MCOLN3: variants seen among roughly 807,000 people sequenced by gnomAD.
MCOLN3 encodes the protein mucolipin-3.
Under a neutral mutation model 69.4 loss-of-function variants are expected in MCOLN3, and 62 were observed. The ratio of observed to expected loss-of-function variants is 0.89; its 90% CI spans 0.73 to 1.10. MCOLN3 has a LOEUF of 1.10. Ranked by LOEUF, MCOLN3 falls within the 50% of genes least tolerant of loss-of-function variation. MCOLN3 has a pLI of 0.00. For missense variants in MCOLN3, 564 were observed against 656.4 expected (o/e 0.86, Z 1.54); for synonymous variants, 183 against 217.0 (o/e 0.84, Z 1.38).
chr1:85,033,088 T>G (rs1170523947), intron 4 of MCOLN3, 132 bp from the exon 5 acceptor site: 3 of 841,512 alleles, frequency 3.6e-6, no homozygotes, highest in Non-Finnish European at 5.5e-6. Flanking sequence ...AATTAAAATT[T>G]TAAAAGCTAA....
At position 85,041,246 on chromosome 1, in the gene MCOLN3, A is replaced by G. The variant is rs974084290; in HGVS notation, c.229-69T>C. ...GCAGAAAAAGCAGAGCAGAAGGTAC[A>G]GGGGCTTGAACAACAAATAGAAGAG... On this transcript the variant is annotated intron_variant, in intron 2 of 12. Coordinates refer to ENST00000370589, the MANE Select transcript of MCOLN3 (RefSeq NM_018298.11). 164 of 1,308,684 alleles carry G rather than the reference A, an allele frequency of 1.3e-4. 1 individual carries two copies. Among genetic ancestry groups the G allele is most frequent in the Non-Finnish European group, 1.6e-4 (151 of 953,354 alleles). 81.1% of individuals were successfully genotyped at this position (1,308,684 alleles called of 1,614,324 possible). A position where few individuals can be genotyped will look rare whatever the true frequency, so the allele number is the denominator to read the frequency against.
At chr1:85,030,084 G>A (rs1327832812) in intron 6 of MCOLN3, 1 of 152,110 alleles carries the variant, frequency 6.6e-6, no homozygotes, top group Non-Finnish European at 1.5e-5. Context: ...TTCTTTCTTT[G>A]ACAAGCAACT....
chr1:85,034,429 A>C (rs567369644), intron 3 of MCOLN3, among the ~76,000 whole-genome samples, 178 bp from the exon 4 acceptor site: 4 of 152,316 alleles, frequency 2.6e-5, no homozygotes, highest in Admixed American at 1.3e-4. Context: ...GGCACTCACA[A>C]ATTAGAGTTC....
rs1172582993 is a variant in MCOLN3 at position 85,021,190 on chromosome 1, T to C, written c.1407A>G (p.Gln469=). ...DMFATFAKMQ[Q]KSYLVWLFSR... is the part of the protein sequence containing the mutation. ...TAAACAGCCAGACTAAGTAACTTTT[T>C]TGCTGCATTTTTGCAAACGTGGCAA... is the stretch of plus-strand genomic sequence containing the variant. The change falls in exon 12 of 13, where the codon CAA becomes CAG. Residue 469 remains glutamine, a synonymous_variant. Transcript: ENST00000370589. 6.2e-7 allele frequency: 1 copy of C among 1,613,970 alleles called. No homozygotes were observed. The highest frequency in any genetic ancestry group is 1.1e-5 in the South Asian group (1 of 91,074).
At position 85,034,240 on chromosome 1, in the gene MCOLN3, T is replaced by G; in HGVS notation, c.408A>C (p.Leu136=). The change falls in exon 4 of 13, where the codon CTA becomes CTC. Residue 136 remains leucine (L), a synonymous_variant. Coordinates refer to ENST00000370589, the MANE Select transcript of MCOLN3 (RefSeq NM_018298.11). The part of the protein sequence containing the change: ...LIFAVNQYLQ[L]YNVSVGNHAY... ...CATGATTCCCAACGGAGACATTGTA[T>G]AGCTGCAAGTACTTCAACCAAAATG... 1 of 1,614,144 alleles carries G rather than the reference T, an allele frequency of 6.2e-7. No individual in the cohort carries two copies. The highest frequency in any genetic ancestry group is 8.5e-7 in the Non-Finnish European group (1 of 1,179,998).
At chr1:85,038,630 C>T (rs1652911956) in intron 3 of MCOLN3, among the ~76,000 whole-genome samples, 1 of 152,140 alleles carries the variant, frequency 6.6e-6, no homozygotes, top group South Asian at 2.1e-4. Context: ...CAGTAACAAT[C>T]ACCTCAACTA....
At chr1:85,034,814 C>T (rs866501573) in intron 3 of MCOLN3, among the ~76,000 whole-genome samples, 2 of 152,170 alleles carry the variant, frequency 1.3e-5, no homozygotes, top group Non-Finnish European at 2.9e-5. Flanking sequence ...AAGAATCTTA[C>T]GGTGCCTTGG....
chr1:85,033,006 A>G, intron 4 of MCOLN3, 50 bp from the exon 5 acceptor site: 1 of 1,457,676 alleles, frequency 6.9e-7, no homozygotes, highest in Non-Finnish European at 9.6e-7. Flanking sequence ...ATAAGACTGC[A>G]TTTTGAAAGG....
chr1:85,046,306 TG>T (rs34361194), intron 1 of MCOLN3, among the ~76,000 whole-genome samples: 6,474 of 151,016 alleles, frequency 0.043, 272 homozygotes, highest in African/African-American at 0.11. Flanking sequence ...CATATCTATT[TG>T]GGGGGGGGGG....
At chr1:85,021,688 T>C (rs1316620980) in intron 11 of MCOLN3, among the ~76,000 whole-genome samples, 2 of 152,024 alleles carry the variant, frequency 1.3e-5, no homozygotes, top group Non-Finnish European at 2.9e-5. Context: ...ACTATAGCTC[T>C]AGTAATAAAA....
chr1:85,034,077 T>C, intron 4 of MCOLN3, 21 bp downstream of exon 4: 4 of 1,613,414 alleles, frequency 2.5e-6, no homozygotes, highest in Non-Finnish European at 3.4e-6. Flanking sequence ...ATTGAGGTTC[T>C]AGGTTATAGA....
At position 85,045,216 on chromosome 1, in the gene MCOLN3, GA is replaced by G; in HGVS notation, c.144del (p.Cys50ValfsTer19). The part of the protein sequence containing the change: ...MRRKLKFFFM[N>X]PCEKFWARGR... ...CCTCGAGCCCAGAACTTCTCACAGG[GA>G]TTCATGAAAAAAAATTTGAGTTTTC... On this transcript the variant is annotated frameshift_variant, in exon 2 of 13. Transcript: ENST00000370589. LOFTEE classifies it high-confidence loss of function. The G allele has an allele frequency of 6.2e-7, 1 of 1,614,004 alleles. No homozygotes were observed. The highest frequency in any genetic ancestry group is 8.5e-7 in the Non-Finnish European group (1 of 1,180,006).
intron 3 of MCOLN3, among the ~76,000 whole-genome samples, chr1:85,035,617 A>G (rs1652764238): frequency 6.6e-6 from 1 of 152,170 alleles, no homozygotes; most frequent in Admixed American, 6.5e-5. Context: ...ATGACTTTCA[A>G]ATTATCTCTG....
At position 85,026,630 on chromosome 1, in the gene MCOLN3, G is replaced by A. The variant is rs536313891; in HGVS notation, c.833-346C>T. On this transcript the variant is annotated intron_variant, in intron 7 of 12. Coordinates refer to ENST00000370589, the MANE Select transcript of MCOLN3 (RefSeq NM_018298.11). ...AAATTAGCCGGGCATGGTGGTGAGC[G>A]CCTGTAGTCCCAGCTACTTGGGAGG... Among the ~76,000 whole-genome samples, 7 of 151,886 alleles carry A rather than the reference G, an allele frequency of 4.6e-5. No homozygotes were observed. In the East Asian group the frequency reaches 1.2e-3, roughly 25 times the overall value.
At chr1:85,025,232 A>G (rs985486973) in intron 9 of MCOLN3, 1 of 152,184 alleles carries the variant, frequency 6.6e-6, no homozygotes, top group African/African-American at 2.4e-5. Flanking sequence ...ATAAGCTCCT[A>G]TCTTCTCTGA....
rs1318845024 is a variant in MCOLN3, at chr1:85,022,208, AG to A, written c.1198-17del. On this transcript the variant is annotated splice_polypyrimidine_tract_variant and intron_variant, in intron 10 of 12. Coordinates refer to ENST00000370589, the MANE Select transcript of MCOLN3 (RefSeq NM_018298.11). ...AAATGAGGAGCTGGGAAAGTAAGAG[AG>A]GCCATTAGAATGGTTTTGTCCTTTA... 6.2e-7 allele frequency: 1 copy of A among 1,613,822 alleles called. No individual in the cohort carries two copies. The highest frequency in any genetic ancestry group is 1.7e-5 in the Admixed American group (1 of 59,920).
intron 4 of MCOLN3, among the ~76,000 whole-genome samples, chr1:85,033,773 T>C (rs1166862256): frequency 6.6e-6 from 1 of 152,174 alleles, no homozygotes; most frequent in East Asian, 1.9e-4. Context: ...TGGAATACGA[T>C]AGCTAAGAAC....
intron 6 of MCOLN3, 121 bp downstream of exon 6, chr1:85,032,575 C>A: frequency 1.3e-6 from 1 of 770,470 alleles, no homozygotes; most frequent in Non-Finnish European, 2.3e-6. Context: ...TTCCCTTATG[C>A]ACATTCAAGT....
chr1:85,020,945 C>T, intron 12 of MCOLN3, 125 bp downstream of exon 12: 1 of 655,492 alleles, frequency 1.5e-6, no homozygotes, highest in Admixed American at 3.7e-5. Flanking sequence ...AAATAAGGTC[C>T]TTTTTCTCTA....
Sources: gnomAD v4.1 joint callset for allele counts (sites outside exome capture counted in the v4.1 genomes callset) on GRCh38, gnomAD v4.1.1 for gene constraint, MANE v1.5 for transcripts, NCBI Gene and HGNC (gene_info 2026-07-23, HGNC 2026-07-21) for gene names.